GRK7: variants seen among roughly 807,000 people sequenced by gnomAD.
The protein encoded by GRK7 is rhodopsin kinase GRK7.
Under a neutral mutation model 34.1 loss-of-function variants are expected in GRK7, and 24 were observed. The observed-to-expected ratio is 0.70, with a 90% CI of 0.51 to 0.99. The LOEUF (loss-of-function observed/expected upper bound fraction) is 0.99, where lower values mean the gene tolerates loss of function less well. Among genes scored for constraint, GRK7 ranks in the 50% least tolerant of loss-of-function variants. The pLI, the probability that GRK7 is intolerant of heterozygous loss-of-function variation, is 0.00. For missense variants in GRK7, 644 were observed against 707.3 expected (o/e 0.91, Z 1.02); for synonymous variants, 256 against 279.4 (o/e 0.92, Z 0.84).
intron 1 of GRK7, among the ~76,000 whole-genome samples, chr3:141,773,817 C>T (rs2084627255): frequency 6.6e-6 from 1 of 152,154 alleles, no homozygotes; most frequent in Non-Finnish European, 1.5e-5. Flanking sequence ...CATTTATTAC[C>T]TGTTTTATAA....
At chr3:141,804,292 A>AG (rs1377269074) in intron 4 of GRK7, among the ~76,000 whole-genome samples, 1 of 152,100 alleles carries the variant, frequency 6.6e-6, no homozygotes, top group Non-Finnish European at 1.5e-5. Context: ...AGGGAGGCAA[A>AG]GGAAAAGGGA....
At chr3:141,769,076 C>A (rs2084603748) in intron 1 of GRK7, among the ~76,000 whole-genome samples, 1 of 152,126 alleles carries the variant, frequency 6.6e-6, no homozygotes. Flanking sequence ...CATGCCTTTC[C>A]CTCCAGACCT....
At chr3:141,791,414 G>A (rs890991579) in intron 4 of GRK7, among the ~76,000 whole-genome samples, 21 of 151,952 alleles carry the variant, frequency 1.4e-4, no homozygotes, top group Non-Finnish European at 8.8e-5. Context: ...AAGACATACA[G>A]GAGAGGCATT....
chr3:141,814,584 C>T (rs77219716), intron 5 of GRK7, among the ~76,000 whole-genome samples: 8,103 of 152,256 alleles, frequency 0.053, 291 homozygotes, highest in Middle Eastern at 0.099. Flanking sequence ...GCATATTATT[C>T]CATATTGTGT....
chr3:141,786,703 A>G (rs1040417767), intron 4 of GRK7, among the ~76,000 whole-genome samples: 28 of 151,904 alleles, frequency 1.8e-4, no homozygotes, highest in African/African-American at 3.1e-4. Flanking sequence ...GCTTGAACCC[A>G]GGAGGCAGAG....
chr3:141,776,107 A>G (rs1222474772), intron 2 of GRK7, among the ~76,000 whole-genome samples: 2 of 152,044 alleles, frequency 1.3e-5, no homozygotes, highest in Non-Finnish European at 2.9e-5. Context: ...TCACAGTGAA[A>G]CCCCATCTCT....
intron 5 of GRK7, among the ~76,000 whole-genome samples, chr3:141,814,351 T>C (rs963099987): frequency 4.6e-5 from 7 of 152,188 alleles, no homozygotes; most frequent in Non-Finnish European, 5.9e-5. Context: ...TAGTACTCAA[T>C]AGGTAGTTTT....
upstream of GRK7, among the ~76,000 whole-genome samples, chr3:141,761,663 GC>G (rs2084555273): frequency 2.6e-5 from 3 of 114,362 alleles, no homozygotes; most frequent in South Asian, 9.9e-4. Flanking sequence ...ACGTTGGCCT[GC>G]CTTGCTAGAC....
At chr3:141,755,235 G>A in the GRK7 span, among the ~76,000 whole-genome samples, 1 of 152,144 alleles carries the variant, frequency 6.6e-6, no homozygotes, top group Non-Finnish European at 1.5e-5. Flanking sequence ...AGGTGTGGTG[G>A]CTTACACCTA....
the GRK7 span, among the ~76,000 whole-genome samples, chr3:141,755,911 G>T: frequency 6.6e-6 from 1 of 150,634 alleles, no homozygotes; most frequent in East Asian, 1.9e-4. Flanking sequence ...TTTTTAAAAT[G>T]TTCATATTTA....
At position 141,772,392 on chromosome 3, in the gene GRK7, C is replaced by T. The variant is rs528007589; in HGVS notation, c.-214-2188C>T. 2.2e-3 allele frequency among the ~76,000 whole-genome samples: 334 copies of T among 152,326 alleles called. 1 individual carries two copies. The highest frequency in any genetic ancestry group is 3.7e-3 in the Non-Finnish European group (250 of 68,026). The stretch of plus-strand genomic sequence containing the variant: ...ACAGGCGTGAGCCACTGTGTCCGGC[C>T]TTTTTGGGTATTTTAATGCTAATGT... On this transcript the variant is annotated intron_variant, in intron 1 of 5. Coordinates refer to ENST00000682958, the MANE Select transcript of GRK7 (RefSeq NM_139209.3).
At chr3:141,771,697 T>A (rs903713790) in intron 1 of GRK7, among the ~76,000 whole-genome samples, 9 of 152,134 alleles carry the variant, frequency 5.9e-5, no homozygotes, top group Admixed American at 1.3e-4. Context: ...AATCTATTTT[T>A]TTTTTGAGAC....
intron 4 of GRK7, among the ~76,000 whole-genome samples, chr3:141,787,843 TAAA>T (rs11396159): frequency 3.0e-5 from 4 of 135,414 alleles, no homozygotes; most frequent in Non-Finnish European, 3.2e-5. Context: ...CTTTGTCTCT[TAAA>T]AAAAAAAAAA....
chr3:141,797,575 CAT>C (rs1291339915), intron 4 of GRK7, among the ~76,000 whole-genome samples: 3 of 152,198 alleles, frequency 2.0e-5, no homozygotes, highest in Non-Finnish European at 2.9e-5. Flanking sequence ...GCAAACAAAA[CAT>C]GTACATTCTG....
At position 141,778,641 on chromosome 3, in the gene GRK7, G is replaced by A. The variant is rs142108127; in HGVS notation, c.357G>A (p.Pro119=). 4.2e-5 allele frequency: 67 copies of A among 1,612,718 alleles called. No homozygotes were observed. Among genetic ancestry groups the A allele is most frequent in the African/African-American group, 3.2e-4 (24 of 74,946 alleles). The change falls in exon 3 of 6, where the codon CCG becomes CCA. Residue 119 remains proline, a synonymous_variant. Coordinates refer to ENST00000682958, the MANE Select transcript of GRK7 (RefSeq NM_139209.3). This position sits in a 1 kb window ranked among gnomAD's most constrained non-coding sequence, Gnocchi z 4.1. ...LVATCASAPA[P]GNPQPFLSQA... ...CCACTTGTGCGAGTGCCCCTGCCCCGGGGAACCCGCAACCCTTCCTCAGCC... is the reference window on the plus strand; with the variant it reads ...CCACTTGTGCGAGTGCCCCTGCCCCAGGGAACCCGCAACCCTTCCTCAGCC...
rs79594512 is a variant in GRK7 at position 141,785,278 on chromosome 3, T to C, written c.1050+4467T>C. ...TTAGTCTTGTATAAGTTGGGATTTC[T>C]TTCTACTAAATATAACAGAATACCA... is the stretch of plus-strand genomic sequence containing the variant. On this transcript the variant is annotated intron_variant, in intron 4 of 5. Transcript: ENST00000682958. Among the ~76,000 whole-genome samples, 961 of 152,354 alleles carry C rather than the reference T, an allele frequency of 6.3e-3. 5 individuals carry two copies. The highest frequency in any genetic ancestry group is 0.011 in the Non-Finnish European group (769 of 68,032).
At chr3:141,754,842 A>G in the GRK7 span, among the ~76,000 whole-genome samples, 1 of 152,172 alleles carries the variant, frequency 6.6e-6, no homozygotes, top group African/African-American at 2.4e-5. Flanking sequence ...TTGGAATCTT[A>G]GAGATTATTT....
chr3:141,773,442 A>T (rs76885755), intron 1 of GRK7, among the ~76,000 whole-genome samples: 2,946 of 152,028 alleles, frequency 0.019, 92 homozygotes, highest in African/African-American at 0.066. Flanking sequence ...GAATCTGCAT[A>T]TTAGAAAAGC....
chr3:141,778,989 G>A lies in GRK7; in HGVS notation c.612+93G>A. On this transcript the variant is annotated intron_variant, in intron 3 of 5. Coordinates refer to ENST00000682958, the MANE Select transcript of GRK7 (RefSeq NM_139209.3). This position sits in a 1 kb window ranked among gnomAD's most constrained non-coding sequence, Gnocchi z 4.1. Reference sequence around the variant, plus strand: ...TCTTTTTTTAAATCTCAGTTACTTAGAACTAATTTCAGCACCATATGTGGA... The same window carrying A: ...TCTTTTTTTAAATCTCAGTTACTTAAAACTAATTTCAGCACCATATGTGGA... 1 of 1,248,998 alleles carries A rather than the reference G, an allele frequency of 8.0e-7. No homozygotes were observed. Among genetic ancestry groups the A allele is most frequent in the Non-Finnish European group, 1.1e-6 (1 of 895,518 alleles). The allele number at this position is 1,248,998 out of a possible 1,614,324, so 77.4% of individuals were successfully genotyped here.
Sources: gnomAD v4.1 joint callset for allele counts (sites outside exome capture counted in the v4.1 genomes callset) on GRCh38, gnomAD v4.1.1 for gene constraint, Gnocchi (gnomAD v3.1) non-coding constraint, MANE v1.5 for transcripts, NCBI Gene and HGNC (gene_info 2026-07-23, HGNC 2026-07-21) for gene names.